The following RALGAPA1 variants were observed in gnomAD, a reference collection of about 807,000 sequenced individuals.
RALGAPA1 encodes Ral GTPase activating protein catalytic subunit alpha 1.
A neutral mutation model predicts 269.6 loss-of-function variants in RALGAPA1; 52 were observed. The observed-to-expected ratio is 0.19, with a 90% CI of 0.15 to 0.24. The LOEUF (loss-of-function observed/expected upper bound fraction) is 0.24, where lower values mean the gene tolerates loss of function less well. Among genes scored for constraint, RALGAPA1 ranks in the 10% least tolerant of loss-of-function variants. The probability of loss-of-function intolerance (pLI) is 1.00; values close to 1 mark genes in which losing one functional copy is unlikely to be tolerated. For missense variants in RALGAPA1, 1,917 were observed against 3,013.9 expected, an observed-to-expected ratio of 0.64 and a Z score of 8.52; for synonymous variants, 817 against 1,008.3, an observed-to-expected ratio of 0.81 and a Z score of 3.60.
Position 35,654,483 on chromosome 14 carries a change from A to G in RALGAPA1, c.5497-6T>C. On this transcript the variant is annotated splice_region_variant and splice_polypyrimidine_tract_variant and intron_variant, in intron 29 of 41. Coordinates refer to ENST00000680220, the MANE Select transcript of RALGAPA1 (RefSeq NM_001346249.2). ...GCTACTGTTTTATTAGTAAACTGCA[A>G]TAATAAAAAAAAAGTTTTAAAAATT... 1 of 1,581,580 alleles carries G rather than the reference A, an allele frequency of 6.3e-7. No homozygotes were observed. Among genetic ancestry groups the G allele is most frequent in the Middle Eastern group, 1.7e-4 (1 of 5,860 alleles).
Position 35,605,691 on chromosome 14 carries a change from A to G in RALGAPA1, c.6948T>C (p.Ile2316=), listed in dbSNP as rs753535164. Residue 2316 remains isoleucine, a synonymous_variant, in exon 36 of 42, where the codon ATT becomes ATC. Coordinates refer to ENST00000680220, the MANE Select transcript of RALGAPA1 (RefSeq NM_001346249.2). ...GTCCTTCAGCAACATAAAATACTGC[A>G]ATCTTGTGTGTCTCTCGGCTATAAA... ...DSRQCRETHK[I]AVFYVAEGQE... is the part of the protein sequence containing the mutation. 3 of 1,609,586 alleles carry G rather than the reference A, an allele frequency of 1.9e-6. No homozygotes were observed.
At chr14:35,806,986 T>C (rs932027145) in intron 1 of RALGAPA1, among the ~76,000 whole-genome samples, 4 of 152,362 alleles carry the variant, frequency 2.6e-5, no homozygotes, top group African/African-American at 9.6e-5. Context: ...AAATGCCTTA[T>C]ATGTGTGACC....
rs1161455507 is a variant in RALGAPA1, at chr14:35,742,517, T to C, written c.1300A>G (p.Lys434Glu). ...TGTTGGATCCATTCTTGATATACTT[T>C]TACCACTTTTCTCATAGCTGCTGCT... ...CEAAAMRKVV[K>E]VYQEWIQQEE... The change falls in exon 11 of 42, where the codon AAA becomes GAA. Residue 434 changes from lysine to glutamate, a missense_variant. By Grantham distance (56) the Lys-to-Glu change is moderately conservative. Transcript: ENST00000680220. 6.2e-7 allele frequency: 1 copy of C among 1,609,104 alleles called. No homozygotes were observed. Among genetic ancestry groups the C allele is most frequent in the Non-Finnish European group, 8.5e-7 (1 of 1,176,262 alleles).
chr14:35,570,695 A>C lies in RALGAPA1; in HGVS notation c.7418T>G (p.Val2473Gly). ...TGTTGCTCTAACCATAATGGGTAGAACCTTTCCATTCACAATAGCACCATC... is the reference window on the plus strand; with the variant it reads ...TGTTGCTCTAACCATAATGGGTAGACCCTTTCCATTCACAATAGCACCATC... ...LFDGAIVNGK[V>G]LPIMVRATAI... is the part of the protein sequence containing the mutation. The change falls in exon 39 of 42, where the codon GTT (valine) becomes GGT (glycine). Residue 2473 changes from valine to glycine, a missense_variant. Physicochemically the swap from Val to Gly is moderately radical, Grantham distance 109 (BLOSUM62 -3). Around this residue, in one of 11 missense-constraint regions of RALGAPA1, gnomAD observed 91 missense variants for 130.9 expected, o/e 0.70. Coordinates refer to ENST00000680220, the MANE Select transcript of RALGAPA1 (RefSeq NM_001346249.2). 2 of 1,610,474 alleles carry C rather than the reference A, an allele frequency of 1.2e-6. No individual in the cohort carries two copies. The highest frequency in any genetic ancestry group is 4.5e-5 in the East Asian group (2 of 44,770).
intron 27 of RALGAPA1, among the ~76,000 whole-genome samples, chr14:35,661,074 A>C (rs1346335854): frequency 6.6e-6 from 1 of 152,126 alleles, no homozygotes; most frequent in Non-Finnish European, 1.5e-5. Flanking sequence ...CAGTGATTAC[A>C]GGTACTGGTA....
At chr14:35,742,193 T>C (rs2071619281) in intron 11 of RALGAPA1, among the ~76,000 whole-genome samples, 175 bp downstream of exon 11, 1 of 152,212 alleles carries the variant, frequency 6.6e-6, no homozygotes, top group African/African-American at 2.4e-5. Flanking sequence ...TCACAGGGCT[T>C]TGCTATACGG....
intron 1 of RALGAPA1, among the ~76,000 whole-genome samples, chr14:35,782,971 G>A (rs1013587665): frequency 6.6e-6 from 1 of 151,752 alleles, no homozygotes; most frequent in Non-Finnish European, 1.5e-5. Flanking sequence ...ACAAGTTTAT[G>A]CCATTACACC....
intron 4 of RALGAPA1, chr14:35,765,909 G>A (rs1214483672): frequency 8.9e-7 from 1 of 1,128,464 alleles, no homozygotes; most frequent in African/African-American, 1.5e-5. Flanking sequence ...AGATGAGTTT[G>A]CTATGAGATC....
intron 1 of RALGAPA1, among the ~76,000 whole-genome samples, chr14:35,787,858 A>G (rs1476345192): frequency 6.6e-6 from 1 of 152,046 alleles, no homozygotes; most frequent in South Asian, 2.1e-4. Context: ...CTGGAATTGC[A>G]GTTGTAAGCC....
At position 35,709,660 on chromosome 14, in the gene RALGAPA1, T is replaced by C. The variant is rs545713619; in HGVS notation, c.2267-9358A>G. ...GGAAGCTTAGATTACTGGTTTTAGATCTTTCTTCTTTAGTAATATATATTT... is the reference window on the plus strand; with the variant it reads ...GGAAGCTTAGATTACTGGTTTTAGACCTTTCTTCTTTAGTAATATATATTT... On this transcript the variant is annotated intron_variant, in intron 16 of 41. Coordinates refer to ENST00000680220, the MANE Select transcript of RALGAPA1 (RefSeq NM_001346249.2). Among the ~76,000 whole-genome samples the C allele has an allele frequency of 2.0e-4, 30 of 152,266 alleles. 1 individual carries two copies. The South Asian group carries it at 3.1e-3, about 16-fold the overall frequency.
chr14:35,790,276 AAAG>A (rs1213615682), intron 1 of RALGAPA1, among the ~76,000 whole-genome samples: 1 of 151,992 alleles, frequency 6.6e-6, no homozygotes, highest in East Asian at 1.9e-4. Context: ...AAACAAAAAA[AAAG>A]AAGTTAGAAT....
chr14:35,667,199 A>T (rs956845628), intron 26 of RALGAPA1, among the ~76,000 whole-genome samples: 4 of 152,120 alleles, frequency 2.6e-5, no homozygotes, highest in Admixed American at 2.6e-4. Flanking sequence ...CAACAGTTCG[A>T]GACCATCCTG....
intron 31 of RALGAPA1, among the ~76,000 whole-genome samples, chr14:35,637,156 C>G (rs556052443): frequency 6.6e-6 from 1 of 152,012 alleles, no homozygotes; most frequent in Admixed American, 6.6e-5. Flanking sequence ...TCTTCAATGC[C>G]CACACACCAA....
intron 33 of RALGAPA1, among the ~76,000 whole-genome samples, chr14:35,631,348 T>G (rs2061348587): frequency 6.6e-6 from 1 of 152,176 alleles, no homozygotes; most frequent in Non-Finnish European, 1.5e-5. Context: ...AATTCAAAAT[T>G]TATTTTTCTC....
chr14:35,757,496 C>A (rs887444767), intron 6 of RALGAPA1, among the ~76,000 whole-genome samples: 1 of 152,152 alleles, frequency 6.6e-6, no homozygotes, highest in African/African-American at 2.4e-5. Flanking sequence ...ACAAATAACA[C>A]AGTGATTACA....
intron 20 of RALGAPA1, among the ~76,000 whole-genome samples, chr14:35,684,271 C>T (rs546077818): frequency 1.3e-5 from 2 of 152,260 alleles, no homozygotes; most frequent in East Asian, 3.9e-4. Flanking sequence ...ATTTGGTGCC[C>T]TTCACTGACT....
At chr14:35,661,892 C>T (rs2063559051) in intron 27 of RALGAPA1, among the ~76,000 whole-genome samples, 1 of 151,554 alleles carries the variant, frequency 6.6e-6, no homozygotes, top group Admixed American at 6.6e-5. Context: ...TGTAAACAAA[C>T]AATTAAAATA....
chr14:35,672,867 C>G lies in RALGAPA1; in HGVS notation c.5073G>C (p.Gln1691His). ...AGATGATACATATATATATAGTTAC[C>G]TGGTCAATATGAAGTAATCCACAAT... ...IMHCGLLHID[Q>H]DIVNTIIKHC... Residue 1691 changes from glutamine (Q) to histidine (H), a missense_variant and splice_region_variant, in exon 25 of 42, where the codon CAG becomes CAC. By Grantham distance (24) the Gln-to-His change is conservative. Coordinates refer to ENST00000680220, the MANE Select transcript of RALGAPA1 (RefSeq NM_001346249.2). The G allele has an allele frequency of 6.5e-7, 1 of 1,527,280 alleles. No individual in the cohort carries two copies. The highest frequency in any genetic ancestry group is 8.8e-7 in the Non-Finnish European group (1 of 1,136,496). 94.6% of individuals were successfully genotyped at this position (1,527,280 alleles called of 1,614,324 possible).
rs1162805692 is a variant in RALGAPA1 at position 35,689,376 on chromosome 14, T to C, written c.3035A>G (p.Asn1012Ser). 11 of 1,232,162 alleles carry C rather than the reference T, an allele frequency of 8.9e-6. No homozygotes were observed. The East Asian group carries it at 2.8e-4, about 32-fold the overall frequency. 76.3% of individuals were successfully genotyped at this position (1,232,162 alleles called of 1,614,324 possible). The change falls in exon 18 of 42, where the codon AAC (asparagine) becomes AGC (serine). Residue 1012 changes from asparagine to serine, a missense_variant. Transcript: ENST00000680220. ...PENLQFQKEPNSAVFMSNIAP... is the reference protein window; with the variant it reads ...PENLQFQKEPSSAVFMSNIAP... ...GATATTACTCATGAAGACAGCTGAGTTTGGTTCTTTCTGAAACTGTAGGTT... is the reference window on the plus strand; with the variant it reads ...GATATTACTCATGAAGACAGCTGAGCTTGGTTCTTTCTGAAACTGTAGGTT...
Sources: allele counts gnomAD v4.1 joint callset (sites outside exome capture counted in the v4.1 genomes callset), GRCh38; gene constraint gnomAD v4.1.1; regional missense constraint gnomAD v4.1.1; transcripts MANE v1.5; gene names NCBI Gene and HGNC (gene_info 2026-07-23, HGNC 2026-07-21).